The following ENTREP1 variants were observed in gnomAD, a reference collection of about 807,000 sequenced individuals.
ENTREP1 encodes endosomal transmembrane epsin interactor 1.
At chr9:69,354,690 T>A in the ENTREP1 span, among the ~76,000 whole-genome samples, 1 of 152,200 alleles carries the variant, frequency 6.6e-6, no homozygotes, top group South Asian at 2.1e-4. Flanking sequence ...AGAGGCTTGA[T>A]CTGATTCAGG....
chr9:69,358,315 C>G, the ENTREP1 span, among the ~76,000 whole-genome samples: 1 of 152,146 alleles, frequency 6.6e-6, no homozygotes, highest in Non-Finnish European at 1.5e-5. Context: ...CCTTTGAGGC[C>G]TGTCTGTATA....
chr9:69,383,811 C>G, the ENTREP1 span: 1 of 1,607,898 alleles, frequency 6.2e-7, no homozygotes. Context: ...GTGGGAAAGA[C>G]AGCACCGCCC....
At chr9:69,345,956 C>T in the ENTREP1 span, among the ~76,000 whole-genome samples, 1 of 151,858 alleles carries the variant, frequency 6.6e-6, no homozygotes, top group Non-Finnish European at 1.5e-5. Context: ...ATCCCACACC[C>T]AAACCTGACT....
chr9:69,366,667 T>A, the ENTREP1 span, among the ~76,000 whole-genome samples: 1 of 152,214 alleles, frequency 6.6e-6, no homozygotes, highest in East Asian at 1.9e-4. Flanking sequence ...TTTCCTAGTT[T>A]CAGGTTTTAT....
At chr9:69,325,593 G>T in the ENTREP1 span, 13 of 1,226,958 alleles carry the variant, frequency 1.1e-5, no homozygotes, top group African/African-American at 6.2e-5. Context: ...CTGCCCGCCC[G>T]CCCGCTGCTG....
chr9:69,339,280 C>T, the ENTREP1 span, among the ~76,000 whole-genome samples: 2 of 152,144 alleles, frequency 1.3e-5, no homozygotes, highest in East Asian at 3.9e-4. Context: ...CTCAGCTTCC[C>T]AAAGTTCTGG....
the ENTREP1 span, among the ~76,000 whole-genome samples, chr9:69,333,677 G>A: frequency 6.6e-6 from 1 of 152,204 alleles, no homozygotes; most frequent in Admixed American, 6.5e-5. Flanking sequence ...ATGGAGACCA[G>A]TAGCATTAAT....
At chr9:69,345,760 A>C in the ENTREP1 span, among the ~76,000 whole-genome samples, 3 of 151,456 alleles carry the variant, frequency 2.0e-5, no homozygotes, top group Non-Finnish European at 2.9e-5. Context: ...GCGCCACCAT[A>C]CGTGGCTTAA....
the ENTREP1 span, among the ~76,000 whole-genome samples, chr9:69,333,011 A>G: frequency 1.3e-5 from 2 of 152,210 alleles, no homozygotes; most frequent in African/African-American, 4.8e-5. Context: ...AATGCACATG[A>G]AGAGATTTCT....
the ENTREP1 span, among the ~76,000 whole-genome samples, chr9:69,364,786 T>G: frequency 6.6e-6 from 1 of 152,204 alleles, no homozygotes; most frequent in Non-Finnish European, 1.5e-5. Flanking sequence ...AATAGTAAAG[T>G]CATATGCCGG....
the ENTREP1 span, chr9:69,385,763 C>CTTT: frequency 1.8e-4 from 219 of 1,243,280 alleles, no homozygotes; most frequent in African/African-American, 7.1e-4. Flanking sequence ...TGTTTCGCCT[C>CTTT]TTTTTTTTTT....
At chr9:69,367,951 G>A in the ENTREP1 span, among the ~76,000 whole-genome samples, 1 of 147,716 alleles carries the variant, frequency 6.8e-6, no homozygotes, top group Non-Finnish European at 1.5e-5. Context: ...ATGTATATTT[G>A]TAGCTATTGT....
chr9:69,340,683 ATGTGTGTGTGTATGTGTG>A, the ENTREP1 span, among the ~76,000 whole-genome samples: 17 of 27,152 alleles, frequency 6.3e-4, 1 homozygote, highest in East Asian at 0.01. Context: ...GTGTGCATGC[ATGTGTGTGTGTATGTGTG>A]TGTGTATGTG....
the ENTREP1 span, among the ~76,000 whole-genome samples, chr9:69,337,107 CAGGTTTA>C: frequency 7.0e-6 from 1 of 143,066 alleles, no homozygotes. Context: ...CTCTGCCTCC[CAGGTTTA>C]AGCAATTGTC....
the ENTREP1 span, among the ~76,000 whole-genome samples, chr9:69,358,902 C>CT: frequency 1.7e-3 from 167 of 96,324 alleles, 1 homozygote; most frequent in East Asian, 0.012. Flanking sequence ...CTTTTTCTTT[C>CT]TTTTTTTTTT....
the ENTREP1 span, chr9:69,325,187 C>A: frequency 9.7e-7 from 1 of 1,031,384 alleles, no homozygotes; most frequent in Non-Finnish European, 1.2e-6. Context: ...ATTTCCTTCC[C>A]TCCCCCTCGG....
At chr9:69,337,005 C>CTTT in the ENTREP1 span, among the ~76,000 whole-genome samples, 21 of 56,000 alleles carry the variant, frequency 3.8e-4, no homozygotes, top group African/African-American at 1.6e-3. Flanking sequence ...GCTGTTATTC[C>CTTT]TTTTTTTTTT....
the ENTREP1 span, chr9:69,329,771 G>A: frequency 3.3e-5 from 10 of 304,144 alleles, no homozygotes; most frequent in Middle Eastern, 1.5e-3. Flanking sequence ...TGGGGGGTGC[G>A]TTTAGTGTTA....
the ENTREP1 span, chr9:69,324,894 G>A: frequency 8.1e-6 from 8 of 984,498 alleles, no homozygotes; most frequent in Non-Finnish European, 9.6e-6. Context: ...GGTGGCCGGC[G>A]CTGACGTGTC....
Sources: gnomAD v4.1 joint callset for allele counts (sites outside exome capture counted in the v4.1 genomes callset) on GRCh38, gnomAD v4.1.1 for gene constraint, MANE v1.5 for transcripts, NCBI Gene and HGNC (gene_info 2026-07-23, HGNC 2026-07-21) for gene names.